Variants in GPC5 observed in about 807,000 individuals in gnomAD.
GPC5 encodes the protein glypican 5.
In GPC5, 47 loss-of-function variants were observed where a neutral mutation model predicts 53.9. The observed-to-expected ratio is 0.87, with a 90% confidence interval of 0.69 to 1.11. The LOEUF (loss-of-function observed/expected upper bound fraction) is 1.11, where lower values mean the gene tolerates loss of function less well. Ranked by LOEUF, GPC5 falls within the 50% of genes most tolerant of loss-of-function variation. The probability of loss-of-function intolerance (pLI) is 0.00; values close to 1 mark genes in which losing one functional copy is unlikely to be tolerated. For synonymous variants in GPC5, 286 were observed against 263.3 expected (o/e 1.09, Z -0.84); for missense variants, 748 against 713.1 (o/e 1.05, Z -0.56).
intron 7 of GPC5, among the ~76,000 whole-genome samples, chr13:92,284,735 A>G (rs1207634990): frequency 2.0e-5 from 3 of 152,112 alleles, no homozygotes; most frequent in African/African-American, 7.2e-5. Flanking sequence ...GTTGATGAGA[A>G]GTATCTCAAA....
chr13:91,668,434 G>A (rs944333873), intron 2 of GPC5, among the ~76,000 whole-genome samples: 1 of 152,110 alleles, frequency 6.6e-6, no homozygotes, highest in African/African-American at 2.4e-5. Flanking sequence ...TGAATTTGTG[G>A]TATTGCAAAT....
intron 5 of GPC5, among the ~76,000 whole-genome samples, chr13:91,817,851 A>T (rs895862137): frequency 6.6e-6 from 1 of 152,054 alleles, no homozygotes; most frequent in African/African-American, 2.4e-5. Flanking sequence ...CATATTTTTC[A>T]TTTCTTTGTG....
At chr13:91,919,465 C>T (rs867993366) in intron 6 of GPC5, among the ~76,000 whole-genome samples, 6 of 152,116 alleles carry the variant, frequency 3.9e-5, no homozygotes, top group Middle Eastern at 3.2e-3. Flanking sequence ...CATGTCAATA[C>T]CCATTTAAAA....
At chr13:91,797,883 C>T (rs148821709) in intron 5 of GPC5, among the ~76,000 whole-genome samples, 6 of 152,232 alleles carry the variant, frequency 3.9e-5, no homozygotes, top group African/African-American at 9.6e-5. Context: ...AGATTGACAG[C>T]GTGGTTGACA....
intron 7 of GPC5, among the ~76,000 whole-genome samples, chr13:92,457,161 T>G (rs565424707): frequency 1.3e-5 from 2 of 152,246 alleles, no homozygotes; most frequent in African/African-American, 4.8e-5. Flanking sequence ...ATCCATGTTC[T>G]CCAAAGGAGA....
intron 7 of GPC5, among the ~76,000 whole-genome samples, chr13:92,374,304 G>T (rs954097312): frequency 1.3e-5 from 2 of 151,998 alleles, no homozygotes; most frequent in African/African-American, 4.8e-5. Context: ...TCTTACCCTG[G>T]TATTTCTATT....
At chr13:91,820,404 T>G (rs971913600) in intron 5 of GPC5, among the ~76,000 whole-genome samples, 15 of 152,180 alleles carry the variant, frequency 9.9e-5, no homozygotes, top group African/African-American at 3.6e-4. Context: ...CACAGGGCCA[T>G]GCAAGTCCCA....
intron 1 of GPC5, among the ~76,000 whole-genome samples, chr13:91,439,813 C>G (rs1318813478): frequency 2.0e-5 from 3 of 152,156 alleles, no homozygotes; most frequent in Non-Finnish European, 1.5e-5. Flanking sequence ...AGTCCTAACT[C>G]TCATTTGCAA....
chr13:91,420,394 C>T lies in GPC5; in HGVS notation c.163+21185C>T, dbSNP rs147818609. Among the ~76,000 whole-genome samples the T allele has an allele frequency of 3.9e-5, 6 of 152,252 alleles. No homozygotes were observed. The East Asian group carries it at 1.2e-3, about 29-fold the overall frequency. On this transcript the variant is annotated intron_variant, in intron 1 of 7. Coordinates refer to ENST00000377067, the MANE Select transcript of GPC5 (RefSeq NM_004466.6). Reference sequence around the variant, plus strand: ...CTGGATCACACACTTCTTCTGTACCCTTGCTTTTCAAAATTAGGAAACCAA... The same window carrying T: ...CTGGATCACACACTTCTTCTGTACCTTTGCTTTTCAAAATTAGGAAACCAA...
At chr13:91,895,168 C>A (rs1330508470) in intron 5 of GPC5, among the ~76,000 whole-genome samples, 1 of 152,056 alleles carries the variant, frequency 6.6e-6, no homozygotes, top group Non-Finnish European at 1.5e-5. Flanking sequence ...CAGGTGGTTC[C>A]CACATGCTGG....
chr13:91,730,413 T>C (rs1350810231), intron 4 of GPC5, among the ~76,000 whole-genome samples: 1 of 152,172 alleles, frequency 6.6e-6, no homozygotes, highest in African/African-American at 2.4e-5. Flanking sequence ...TTGAGCCTGA[T>C]TTCCAATAGA....
chr13:91,403,500 A>C (rs1877102683), intron 1 of GPC5, among the ~76,000 whole-genome samples: 1 of 152,208 alleles, frequency 6.6e-6, no homozygotes, highest in African/African-American at 2.4e-5. Flanking sequence ...AAGAAGCAGT[A>C]GTAGCTAGTG....
rs142649223 is a variant in GPC5 at position 92,456,933 on chromosome 13, C to T, written c.1561+311944C>T. On this transcript the variant is annotated intron_variant, in intron 7 of 7. Coordinates refer to ENST00000377067, the MANE Select transcript of GPC5 (RefSeq NM_004466.6). ...TAGCATGATGCTGAGGGTTGGGGTA[C>T]GAATGATTCCATTCCAGGTACTAAG... 8.5e-4 allele frequency among the ~76,000 whole-genome samples: 129 copies of T among 152,060 alleles called. 1 individual carries two copies. The highest frequency in any genetic ancestry group is 3.1e-3 in the East Asian group (16 of 5,154).
intron 2 of GPC5, among the ~76,000 whole-genome samples, chr13:91,611,535 G>C (rs2033548912): frequency 6.6e-6 from 1 of 152,168 alleles, no homozygotes; most frequent in Non-Finnish European, 1.5e-5. Flanking sequence ...CAGAAAGTCA[G>C]CTAGCTGCTG....
At chr13:91,738,963 T>C (rs979583359) in intron 4 of GPC5, among the ~76,000 whole-genome samples, 1 of 151,508 alleles carries the variant, frequency 6.6e-6, no homozygotes, top group Non-Finnish European at 1.5e-5. Flanking sequence ...TGTGTTTATC[T>C]AGAATCTTTT....
intron 7 of GPC5, among the ~76,000 whole-genome samples, chr13:92,258,353 G>T (rs1286203415): frequency 6.6e-6 from 1 of 152,102 alleles, no homozygotes; most frequent in Non-Finnish European, 1.5e-5. Context: ...TTCTTTTGTA[G>T]GCTTGTAATA....
intron 7 of GPC5, among the ~76,000 whole-genome samples, chr13:92,653,285 A>T (rs1414768609): frequency 6.6e-6 from 1 of 152,132 alleles, no homozygotes; most frequent in African/African-American, 2.4e-5. Flanking sequence ...GCTTTGGGGA[A>T]GGAAGTGGAA....
At chr13:92,095,630 G>A (rs1216017091) in intron 6 of GPC5, among the ~76,000 whole-genome samples, 3 of 152,192 alleles carry the variant, frequency 2.0e-5, no homozygotes, top group Non-Finnish European at 4.4e-5. Flanking sequence ...CACCTCCTGG[G>A]TTCAAGCGAT....
intron 6 of GPC5, among the ~76,000 whole-genome samples, chr13:92,103,176 T>A (rs924724481): frequency 6.6e-6 from 1 of 152,072 alleles, no homozygotes; most frequent in South Asian, 2.1e-4. Flanking sequence ...AAGTTTTTTT[T>A]AATGATCAAC....
Sources: gnomAD v4.1 joint callset for allele counts (sites outside exome capture counted in the v4.1 genomes callset) on GRCh38, gnomAD v4.1.1 for gene constraint, MANE v1.5 for transcripts, NCBI Gene and HGNC (gene_info 2026-07-23, HGNC 2026-07-21) for gene names.